Variants in TANC1 observed in about 807,000 individuals in gnomAD.
TANC1 encodes tetratricopeptide repeat, ankyrin repeat and coiled-coil containing 1, also known as protein TANC1.
Under a neutral mutation model 149.7 loss-of-function variants are expected in TANC1, and 77 were observed. The ratio of observed to expected loss-of-function variants is 0.51; its 90% CI spans 0.43 to 0.62. The LOEUF is 0.62. TANC1 is among the 20% of genes least tolerant of loss of function. TANC1 has a pLI of 0.00. For missense variants in TANC1, 1,985 were observed against 2,321.8 expected, an observed-to-expected ratio of 0.85 and a Z score of 2.98; for synonymous variants, 854 against 925.0, an observed-to-expected ratio of 0.92 and a Z score of 1.39.
chr2:159,147,022 G>A (rs2052201621), intron 5 of TANC1, among the ~76,000 whole-genome samples: 1 of 152,114 alleles, frequency 6.6e-6, no homozygotes, highest in Admixed American at 6.6e-5. Context: ...GGGGTGTTGC[G>A]GTCCCCCTGC....
chr2:159,219,404 A>C lies in TANC1; in HGVS notation c.3502+43A>C, dbSNP rs562060642. The stretch of plus-strand genomic sequence containing the variant: ...TCAAAGGTTTCTTTTGGACGGACAC[A>C]GAGAGAACTTCAGCAGACCCATTCA... On this transcript the variant is annotated intron_variant, in intron 21 of 26. Transcript: ENST00000263635. 15 of 1,612,600 alleles carry C rather than the reference A, an allele frequency of 9.3e-6. No homozygotes were observed. The South Asian group carries it at 1.4e-4, about 15-fold the overall frequency.
At position 159,170,606 on chromosome 2, in the gene TANC1, G is replaced by C. The variant is rs1261392551; in HGVS notation, c.1152G>C (p.Val384=). 6.2e-7 allele frequency: 1 copy of C among 1,614,032 alleles called. No individual in the cohort carries two copies. The change falls in exon 10 of 27, where the codon GTG becomes GTC. Residue 384 remains valine, a synonymous_variant. Coordinates refer to ENST00000263635, the MANE Select transcript of TANC1 (RefSeq NM_033394.3). ...TACCAAGCATAACAACAGACTCTGTGTTTGTGGGAAGGGATTGGCTCTTTC... is the reference window on the plus strand; with the variant it reads ...TACCAAGCATAACAACAGACTCTGTCTTTGTGGGAAGGGATTGGCTCTTTC... ...FEVPSITTDS[V]FVGRDWLFHQ... is the part of the protein sequence containing the mutation.
chr2:159,161,462 C>A (rs2054040043), intron 7 of TANC1, among the ~76,000 whole-genome samples: 1 of 152,208 alleles, frequency 6.6e-6, no homozygotes, highest in South Asian at 2.1e-4. Flanking sequence ...TGTAACACCA[C>A]AATCTGTGTT....
intron 20 of TANC1, among the ~76,000 whole-genome samples, chr2:159,218,747 A>G (rs2059502850): frequency 6.6e-6 from 1 of 152,206 alleles, no homozygotes; most frequent in African/African-American, 2.4e-5. Context: ...CCCGAAGGGC[A>G]TGCCATCCGC....
chr2:159,170,534 T>A lies in TANC1; in HGVS notation c.1080T>A (p.Ala360=). The A allele has an allele frequency of 6.3e-7, 1 of 1,592,402 alleles. No homozygotes were observed. Among genetic ancestry groups the A allele is most frequent in the Non-Finnish European group, 8.6e-7 (1 of 1,166,940 alleles). The change falls in exon 10 of 27, where the codon GCT becomes GCA. Residue 360 remains alanine, a synonymous_variant. Transcript: ENST00000263635. ...GRAQEVKARF[A]PYKPQDILLK... is the part of the protein sequence containing the mutation. ...TTTCTTCTTTTGAAGCACGATTTGCTCCCTACAAGCCACAAGACATTTTGT... is the reference window on the plus strand; with the variant it reads ...TTTCTTCTTTTGAAGCACGATTTGCACCCTACAAGCCACAAGACATTTTGT...
intron 2 of TANC1, among the ~76,000 whole-genome samples, chr2:159,049,946 C>G (rs1337156725): frequency 6.6e-6 from 1 of 152,142 alleles, no homozygotes; most frequent in East Asian, 1.9e-4. Context: ...TTGTGACTTG[C>G]CTGCATACAG....
intron 2 of TANC1, among the ~76,000 whole-genome samples, chr2:159,053,329 T>C (rs2041612646): frequency 6.6e-6 from 1 of 152,112 alleles, no homozygotes; most frequent in East Asian, 1.9e-4. Context: ...CCATATGCCC[T>C]TTCTCACAGG....
intron 7 of TANC1, among the ~76,000 whole-genome samples, chr2:159,158,077 C>T (rs964456462): frequency 1.3e-5 from 2 of 151,984 alleles, no homozygotes; most frequent in African/African-American, 4.8e-5. Context: ...GTAGAGAGGC[C>T]GGGCATGGTG....
intron 5 of TANC1, among the ~76,000 whole-genome samples, chr2:159,147,069 C>G (rs1186219242): frequency 2.0e-5 from 3 of 152,178 alleles, no homozygotes; most frequent in Non-Finnish European, 4.4e-5. Flanking sequence ...GGTCCTCCTG[C>G]CAGTCCCAAG....
chr2:159,080,284 A>G (rs1306922738), intron 3 of TANC1, among the ~76,000 whole-genome samples: 4 of 151,980 alleles, frequency 2.6e-5, no homozygotes, highest in Admixed American at 6.6e-5. Context: ...TGGTTTCCCT[A>G]CCAGTCAGGC....
chr2:159,174,953 G>C lies in TANC1; in HGVS notation c.1504G>C (p.Val502Leu). The C allele has an allele frequency of 6.2e-7, 1 of 1,613,462 alleles. No homozygotes were observed. The highest frequency in any genetic ancestry group is 8.5e-7 in the Non-Finnish European group (1 of 1,179,612). ...EDAVKYLASK[V>L]VAYHYCQADN... ...TGCTGACGGTTCTGCTTCCCCCTAG[G>C]TGGTGGCCTACCACTACTGCCAGGC... The change falls in exon 12 of 27, where the codon GTG (valine) becomes CTG (leucine). Residue 502 changes from valine (V) to leucine (L), a missense_variant and splice_region_variant. Val to Leu is a conservative substitution (Grantham distance 32, BLOSUM62 1). Transcript: ENST00000263635.
At chr2:159,179,432 C>T (rs1255509464) in intron 14 of TANC1, among the ~76,000 whole-genome samples, 2 of 151,964 alleles carry the variant, frequency 1.3e-5, no homozygotes, top group African/African-American at 4.8e-5. Flanking sequence ...CTGTGTGGTC[C>T]TTCCTTACTG....
At chr2:159,096,338 CTTTCTTGTATATATTTTT>C (rs2046137155) in intron 3 of TANC1, among the ~76,000 whole-genome samples, 1 of 143,016 alleles carries the variant, frequency 7.0e-6, no homozygotes. Flanking sequence ...CCAAGATACT[CTTTCTTGTATATATTTTT>C]TAACATTGTG....
chr2:159,228,943 G>C (rs1324824842), intron 26 of TANC1, 47 bp downstream of exon 26: 2 of 1,457,000 alleles, frequency 1.4e-6, no homozygotes, highest in South Asian at 1.2e-5. Context: ...TTTCTTGTGG[G>C]ATCAAACCTG....
intron 7 of TANC1, among the ~76,000 whole-genome samples, chr2:159,158,889 G>A (rs2053711559): frequency 6.6e-6 from 1 of 152,244 alleles, no homozygotes; most frequent in Non-Finnish European, 1.5e-5. Context: ...CAAGGTTGCA[G>A]CAAGCCCCTT....
At chr2:159,167,087 G>A (rs2054679052) in intron 8 of TANC1, among the ~76,000 whole-genome samples, 1 of 152,130 alleles carries the variant, frequency 6.6e-6, no homozygotes, top group African/African-American at 2.4e-5. Context: ...CCTTTCAGTT[G>A]TTATAAATTT....
At chr2:159,174,493 C>T (rs998921577) in intron 11 of TANC1, among the ~76,000 whole-genome samples, 11 of 152,252 alleles carry the variant, frequency 7.2e-5, no homozygotes, top group Non-Finnish European at 1.5e-4. Flanking sequence ...TGTGACTCTA[C>T]AGCCCCGGTC....
intron 2 of TANC1, among the ~76,000 whole-genome samples, chr2:159,048,312 A>C (rs1010967267): frequency 6.6e-6 from 1 of 152,152 alleles, no homozygotes; most frequent in East Asian, 1.9e-4. Context: ...TTTTCTTACA[A>C]TTAGTGGTAA....
chr2:159,170,304 A>G (rs1174919265), intron 9 of TANC1, among the ~76,000 whole-genome samples: 5 of 152,118 alleles, frequency 3.3e-5, no homozygotes, highest in South Asian at 2.1e-4. Context: ...GAGTAATTTC[A>G]ATAGGACACT....
Sources: gnomAD v4.1 joint callset for allele counts (sites outside exome capture counted in the v4.1 genomes callset) on GRCh38, gnomAD v4.1.1 for gene constraint, MANE v1.5 for transcripts, NCBI Gene and HGNC (gene_info 2026-07-23, HGNC 2026-07-21) for gene names.